KCNB2: variants seen among roughly 807,000 people sequenced by gnomAD.
KCNB2 encodes potassium voltage-gated channel subfamily B member 2, also known as delayed rectifier potassium channel protein.
A neutral mutation model predicts 61.5 loss-of-function variants in KCNB2; 15 were observed. That is an observed-to-expected ratio of 0.24 (90% confidence interval 0.16 to 0.38). The LOEUF is 0.38. KCNB2 is among the 10% of genes least tolerant of loss of function. KCNB2 has a pLI of 1.00. For missense variants in KCNB2, 828 were observed against 1,125.2 expected (o/e 0.74, Z 3.78); for synonymous variants, 457 against 446.0 (o/e 1.02, Z -0.31).
At chr8:72,621,051 A>T (rs1385507691) in intron 2 of KCNB2, among the ~76,000 whole-genome samples, 1 of 152,198 alleles carries the variant, frequency 6.6e-6, no homozygotes, top group Non-Finnish European at 1.5e-5. Context: ...AATATTCCAG[A>T]ATAGGAAATA....
At chr8:72,681,181 A>G (rs1216425862) in intron 2 of KCNB2, among the ~76,000 whole-genome samples, 4 of 152,202 alleles carry the variant, frequency 2.6e-5, no homozygotes, top group Non-Finnish European at 5.9e-5. Flanking sequence ...ACAAGGCTGT[A>G]CAATGTGAGT....
At chr8:72,899,015 C>A (rs1457954255) in intron 2 of KCNB2, among the ~76,000 whole-genome samples, 1 of 152,056 alleles carries the variant, frequency 6.6e-6, no homozygotes, top group Non-Finnish European at 1.5e-5. Flanking sequence ...TGTATATGTA[C>A]CACATTTTCC....
At chr8:72,638,964 T>A (rs1407911767) in intron 2 of KCNB2, among the ~76,000 whole-genome samples, 4 of 152,168 alleles carry the variant, frequency 2.6e-5, no homozygotes, top group African/African-American at 4.8e-5. Context: ...CTTATGCAGA[T>A]CACTGTGACT....
chr8:72,855,255 T>C (rs1178319882), intron 2 of KCNB2, among the ~76,000 whole-genome samples: 2 of 152,234 alleles, frequency 1.3e-5, no homozygotes, highest in East Asian at 3.9e-4. Flanking sequence ...TCCTTGCTTG[T>C]AGAATAAAAT....
chr8:72,610,254 G>A (rs1312536525), intron 2 of KCNB2, among the ~76,000 whole-genome samples: 2 of 152,040 alleles, frequency 1.3e-5, no homozygotes, highest in Non-Finnish European at 2.9e-5. Context: ...CAGCATGAAG[G>A]GTTTAGCATT....
chr8:72,653,216 G>C (rs901340066), intron 2 of KCNB2, among the ~76,000 whole-genome samples: 2 of 152,046 alleles, frequency 1.3e-5, no homozygotes, highest in African/African-American at 4.8e-5. Flanking sequence ...CATATTCTGA[G>C]GTTCTCCATG....
At chr8:72,779,476 A>C (rs1336799622) in intron 2 of KCNB2, among the ~76,000 whole-genome samples, 2 of 148,368 alleles carry the variant, frequency 1.3e-5, no homozygotes, top group Non-Finnish European at 3.0e-5. Context: ...TCCTGCCAGA[A>C]ATCTCCCCAG....
intron 2 of KCNB2, among the ~76,000 whole-genome samples, chr8:72,619,821 C>T (rs1585788810): frequency 6.6e-6 from 1 of 152,112 alleles, no homozygotes; most frequent in Non-Finnish European, 1.5e-5. Context: ...TAAAAAGTTT[C>T]AGAACCATTT....
chr8:72,623,348 G>C, intron 2 of KCNB2, among the ~76,000 whole-genome samples: 1 of 152,172 alleles, frequency 6.6e-6, no homozygotes, highest in East Asian at 1.9e-4. Context: ...CTTAACTCCA[G>C]CTTTGAAGGG....
chr8:72,916,405 G>T (rs1006097843), intron 2 of KCNB2, among the ~76,000 whole-genome samples: 5 of 152,116 alleles, frequency 3.3e-5, no homozygotes, highest in African/African-American at 1.2e-4. Flanking sequence ...CCCCTCACGG[G>T]ACGGGGAGCA....
At position 72,608,172 on chromosome 8, in the gene KCNB2, C is replaced by A. The variant is rs59852654; in HGVS notation, c.579+39859C>A. 1.9e-3 allele frequency among the ~76,000 whole-genome samples: 288 copies of A among 152,186 alleles called. 1 individual carries two copies. Among genetic ancestry groups the A allele is most frequent in the African/African-American group, 6.6e-3 (274 of 41,514 alleles). Reference sequence around the variant, plus strand: ...CTCCAGATCTTGAGGCTGAAGAAAGCCCCTTGGAGAAGGAGTCTGCTTTGT... The same window carrying A: ...CTCCAGATCTTGAGGCTGAAGAAAGACCCTTGGAGAAGGAGTCTGCTTTGT... On this transcript the variant is annotated intron_variant, in intron 2 of 2. Coordinates refer to ENST00000523207, the MANE Select transcript of KCNB2 (RefSeq NM_004770.3).
intron 2 of KCNB2, among the ~76,000 whole-genome samples, chr8:72,842,908 T>G (rs1184427962): frequency 6.6e-6 from 1 of 152,226 alleles, no homozygotes; most frequent in Non-Finnish European, 1.5e-5. Context: ...GTTGATTTTT[T>G]GAAGAGTTTT....
At chr8:72,717,844 A>G (rs1320677020) in intron 2 of KCNB2, among the ~76,000 whole-genome samples, 2 of 152,134 alleles carry the variant, frequency 1.3e-5, no homozygotes, top group South Asian at 2.1e-4. Context: ...GTTTCTGCAC[A>G]GCAAAAGAAA....
chr8:72,690,225 A>T (rs767732885), intron 2 of KCNB2, among the ~76,000 whole-genome samples: 1 of 152,178 alleles, frequency 6.6e-6, no homozygotes, highest in African/African-American at 2.4e-5. Context: ...AGAAATGGAC[A>T]TGTGTGAGAC....
chr8:72,597,722 G>C (rs1476565451), intron 2 of KCNB2, among the ~76,000 whole-genome samples: 1 of 152,102 alleles, frequency 6.6e-6, no homozygotes, highest in South Asian at 2.1e-4. Flanking sequence ...GTTTGTACTG[G>C]TCCCATATGG....
At chr8:72,648,684 C>G (rs989889972) in intron 2 of KCNB2, among the ~76,000 whole-genome samples, 7 of 151,578 alleles carry the variant, frequency 4.6e-5, no homozygotes, top group Admixed American at 2.0e-4. Flanking sequence ...TTTTAGCTCA[C>G]AAGCTGGAAT....
intron 2 of KCNB2, among the ~76,000 whole-genome samples, chr8:72,584,893 C>T (rs1226032534): frequency 6.6e-6 from 1 of 152,156 alleles, no homozygotes; most frequent in Non-Finnish European, 1.5e-5. Flanking sequence ...CTTTCTCTCT[C>T]CCCATCTCTC....
In KCNB2 at chr8:72,938,056, A is replaced by G. The variant is rs779094874; in HGVS notation, c.2701A>G (p.Thr901Ala). The G allele has an allele frequency of 3.0e-5, 48 of 1,613,550 alleles. No individual in the cohort carries two copies. The highest frequency in any genetic ancestry group is 4.0e-5 in the Non-Finnish European group (47 of 1,179,676). Residue 901 changes from threonine (T) to alanine (A), a missense_variant, in exon 3 of 3, where the codon ACA becomes GCA. Around this residue, in one of 4 missense-constraint regions of KCNB2, gnomAD observed 559 missense variants for 588.4 expected, o/e 0.95. Transcript: ENST00000523207. ...APEIHSNPGD[T>A]GYCPTRETSM Reference sequence around the variant, plus strand: ...AGAAATTCATTCCAACCCAGGAGACACAGGTTATTGTCCCACACGTGAAAC... The same window carrying G: ...AGAAATTCATTCCAACCCAGGAGACGCAGGTTATTGTCCCACACGTGAAAC...
At chr8:72,744,703 C>T (rs1044739799) in intron 2 of KCNB2, among the ~76,000 whole-genome samples, 7 of 152,012 alleles carry the variant, frequency 4.6e-5, no homozygotes, top group Admixed American at 6.6e-5. Context: ...GGAACTGCCA[C>T]GTGAATTGCT....
Sources: gnomAD v4.1 joint callset for allele counts (sites outside exome capture counted in the v4.1 genomes callset) on GRCh38, gnomAD v4.1.1 for gene constraint, gnomAD v4.1.1 regional missense constraint, MANE v1.5 for transcripts, NCBI Gene and HGNC (gene_info 2026-07-23, HGNC 2026-07-21) for gene names.